Variants in AR observed in about 807,000 individuals in gnomAD.
The protein encoded by AR is androgen receptor.
A neutral mutation model predicts 53.9 loss-of-function variants in AR; 8 were observed. The ratio of observed to expected loss-of-function variants is 0.15; its 90% CI spans 0.09 to 0.27. The LOEUF (loss-of-function observed/expected upper bound fraction) is 0.27. Ranked by LOEUF, AR falls within the 10% of genes least tolerant of loss-of-function variation. The probability of loss-of-function intolerance (pLI) is 1.00; values close to 1 mark genes in which losing one functional copy is unlikely to be tolerated. For synonymous variants in AR, 359 were observed against 316.4 expected (o/e 1.13, Z -1.43); for missense variants, 639 against 742.5 (o/e 0.86, Z 1.62).
rs754583155 is a variant in AR at position 67,711,586 on chromosome X, C to T, written c.2070C>T (p.His690=). The T allele has an allele frequency of 3.4e-5, 41 of 1,209,699 alleles. No homozygotes were observed. The highest frequency in any genetic ancestry group is 1.2e-4 in the East Asian group (4 of 33,737). Reference sequence around the variant, plus strand: ...AGCCAGGTGTAGTGTGTGCTGGACACGACAACAACCAGCCCGACTCCTTTG... The same window carrying T: ...AGCCAGGTGTAGTGTGTGCTGGACATGACAACAACCAGCCCGACTCCTTTG... ...AIEPGVVCAG[H]DNNQPDSFAA... is the part of the protein sequence containing the mutation. The change falls in exon 4 of 8, where the codon CAC becomes CAT. Residue 690 remains histidine, a synonymous_variant. Coordinates refer to ENST00000374690, the MANE Select transcript of AR (RefSeq NM_000044.6).
chrX:67,712,519 A>C (rs1231282246), intron 4 of AR, among the ~76,000 whole-genome samples: 1 of 112,395 alleles, frequency 8.9e-6, no homozygotes, highest in African/African-American at 3.2e-5. Flanking sequence ...CCTCTATCCA[A>C]TGATTCACAA....
At position 67,689,800 on chromosome X, in the gene AR, C is replaced by T; in HGVS notation, c.1885+3674C>T. 4 of 705,541 alleles carry T rather than the reference C, an allele frequency of 5.7e-6. No individual in the cohort carries two copies. In the South Asian group the frequency reaches 1.9e-4, roughly 34 times the overall value. The allele number at this position is 705,541 out of a possible 1,213,427, so 58.1% of individuals were successfully genotyped here. Reference sequence around the variant, plus strand: ...AAAGTCCAAATGAGGACCTTCCCTCCAGTGAATTAGCTGTGGCTTTCTCAC... The same window carrying T: ...AAAGTCCAAATGAGGACCTTCCCTCTAGTGAATTAGCTGTGGCTTTCTCAC... On this transcript the variant is annotated intron_variant, in intron 3 of 7. Coordinates refer to ENST00000374690, the MANE Select transcript of AR (RefSeq NM_000044.6).
At position 67,711,453 on chromosome X, in the gene AR, C is replaced by A. The variant is rs1800053; in HGVS notation, c.1937C>A (p.Ala646Asp). ...GNLKLQEEGE[A>D]SSTTSPTEET... The stretch of plus-strand genomic sequence containing the variant: ...CTGAAACTACAGGAGGAAGGAGAGG[C>A]TTCCAGCACCACCAGCCCCACTGAG... The change falls in exon 4 of 8, where the codon GCT (alanine) becomes GAT (aspartate). Residue 646 changes from alanine (A) to aspartate (D), a missense_variant. Transcript: ENST00000374690. The A allele has an allele frequency of 2.1e-3, 2,468 of 1,202,319 alleles. 2 individuals carry two copies. Among genetic ancestry groups the A allele is most frequent in the Non-Finnish European group, 2.7e-3 (2,383 of 891,042 alleles).
chrX:67,645,149 G>T (rs1925993465), intron 2 of AR, among the ~76,000 whole-genome samples: 1 of 111,876 alleles, frequency 8.9e-6, no homozygotes, highest in South Asian at 3.7e-4. Context: ...TATCAGATGG[G>T]AAAGGAGTTC....
At position 67,677,786 on chromosome X, in the gene AR, A is replaced by T. The variant is rs866299064; in HGVS notation, c.1769-8224A>T. On this transcript the variant is annotated intron_variant, in intron 2 of 7. Coordinates refer to ENST00000374690, the MANE Select transcript of AR (RefSeq NM_000044.6). ...AGGTCTGTTCTGCTCTCTGGATCTC[A>T]CCCTTTCCTATCTGTAAAATGAGAT... is the stretch of plus-strand genomic sequence containing the variant. Among the ~76,000 whole-genome samples, 27 of 111,155 alleles carry T rather than the reference A, an allele frequency of 2.4e-4. No individual in the cohort carries two copies. In the Middle Eastern group the frequency reaches 0.023, roughly 94 times the overall value.
intron 2 of AR, among the ~76,000 whole-genome samples, chrX:67,648,600 C>T (rs1439815126): frequency 8.9e-6 from 1 of 111,928 alleles, no homozygotes; most frequent in Non-Finnish European, 1.9e-5. Flanking sequence ...TAATTTAGCT[C>T]TGTAACTCAT....
At chrX:67,616,355 AC>A (rs1260442440) in intron 1 of AR, among the ~76,000 whole-genome samples, 3 of 108,124 alleles carry the variant, frequency 2.8e-5, no homozygotes, top group African/African-American at 1.0e-4. Flanking sequence ...CTGTCCCCTA[AC>A]CCCCTCAACA....
intron 2 of AR, among the ~76,000 whole-genome samples, chrX:67,683,356 G>A (rs1306038286): frequency 9.0e-6 from 1 of 110,562 alleles, no homozygotes; most frequent in African/African-American, 3.3e-5. Context: ...TATTATTTTG[G>A]ATAGTTTCTT....
intron 1 of AR, among the ~76,000 whole-genome samples, chrX:67,621,053 T>C (rs1924351006): frequency 1.8e-5 from 2 of 112,179 alleles, no homozygotes; most frequent in South Asian, 7.4e-4. Context: ...TTTTCATAGG[T>C]TGCCTGTTCC....
intron 3 of AR, among the ~76,000 whole-genome samples, chrX:67,696,886 G>C (rs1424929568): frequency 1.8e-5 from 2 of 111,615 alleles, no homozygotes; most frequent in African/African-American, 6.5e-5. Context: ...TGGAAGTCAG[G>C]ATACCTTAGT....
At chrX:67,557,579 C>A (rs1040806455) in intron 1 of AR, among the ~76,000 whole-genome samples, 5 of 111,634 alleles carry the variant, frequency 4.5e-5, no homozygotes, top group Non-Finnish European at 9.4e-5. Context: ...GCTGTAGGTA[C>A]CCTCTCCCCT....
intron 1 of AR, among the ~76,000 whole-genome samples, chrX:67,547,031 G>A (rs1361253948): frequency 2.7e-5 from 3 of 110,425 alleles, no homozygotes; most frequent in African/African-American, 9.9e-5. Context: ...ACTACCTCCT[G>A]GTACTCGAGG....
intron 1 of AR, among the ~76,000 whole-genome samples, chrX:67,639,680 CTT>C (rs1925642890): frequency 8.9e-6 from 1 of 112,012 alleles, no homozygotes; most frequent in Admixed American, 9.5e-5. Flanking sequence ...TATCCTGAGA[CTT>C]TGCTGAAGTT....
intron 1 of AR, among the ~76,000 whole-genome samples, chrX:67,624,925 A>G (rs1344334089): frequency 1.9e-5 from 2 of 105,115 alleles, no homozygotes; most frequent in Non-Finnish European, 3.9e-5. Context: ...AAAAAAAAAA[A>G]AAAAAAAAAG....
chrX:67,620,656 T>G (rs1161606345), intron 1 of AR, among the ~76,000 whole-genome samples: 1 of 111,548 alleles, frequency 9.0e-6, no homozygotes, highest in African/African-American at 3.3e-5. Flanking sequence ...CAAACTCAGA[T>G]TTCTCTGCCC....
At chrX:67,608,396 G>T (rs1923728020) in intron 1 of AR, among the ~76,000 whole-genome samples, 1 of 111,767 alleles carries the variant, frequency 8.9e-6, no homozygotes, top group South Asian at 3.8e-4. Flanking sequence ...TAACTTCAGT[G>T]GTGCCAGCTT....
intron 3 of AR, among the ~76,000 whole-genome samples, chrX:67,686,653 GC>G (rs1175018714): frequency 1.8e-5 from 2 of 111,808 alleles, no homozygotes; most frequent in Admixed American, 1.9e-4. Flanking sequence ...TGACTAGGCT[GC>G]CACACAGAGC....
Position 67,639,559 on chromosome X carries a change from T to C in AR, c.1617-3697T>C, listed in dbSNP as rs1925636336. Among the ~76,000 whole-genome samples the C allele has an allele frequency of 4.5e-5, 5 of 111,617 alleles. No individual in the cohort carries two copies. In the South Asian group the frequency reaches 1.9e-3, roughly 42 times the overall value. On this transcript the variant is annotated intron_variant, in intron 1 of 7. Coordinates refer to ENST00000374690, the MANE Select transcript of AR (RefSeq NM_000044.6). The stretch of plus-strand genomic sequence containing the variant: ...ATCCCTTGTAAGTTGGATTCCTACA[T>C]ATTTTATTCTGTTTGTAGCAATTGT...
At chrX:67,662,125 A>T (rs1439966939) in intron 2 of AR, among the ~76,000 whole-genome samples, 1 of 110,977 alleles carries the variant, frequency 9.0e-6, no homozygotes, top group Non-Finnish European at 1.9e-5. Context: ...AATTTTGTTG[A>T]TCTTTTCAAA....
Sources: gnomAD v4.1 joint callset for allele counts (sites outside exome capture counted in the v4.1 genomes callset) on GRCh38, gnomAD v4.1.1 for gene constraint, MANE v1.5 for transcripts, NCBI Gene and HGNC (gene_info 2026-07-23, HGNC 2026-07-21) for gene names.